Variants in USH2A observed in about 807,000 individuals in gnomAD.
The protein encoded by USH2A is usherin, also known as Usher syndrome 2A (autosomal recessive, mild).
A neutral mutation model predicts 538.9 loss-of-function variants in USH2A; 443 were observed. That is an observed-to-expected ratio of 0.82 (90% CI 0.76 to 0.89). The LOEUF is 0.89. Ranked by LOEUF, USH2A falls within the 40% of genes least tolerant of loss-of-function variation. The pLI is 0.00. For synonymous variants in USH2A, 2,413 were observed against 2,273.5 expected (o/e 1.06, Z -1.75); for missense variants, 6,633 against 6,324.8 (o/e 1.05, Z -1.65).
At chr1:216,051,942 G>A (rs2030799483) in intron 30 of USH2A, among the ~76,000 whole-genome samples, 1 of 152,194 alleles carries the variant, frequency 6.6e-6, no homozygotes, top group Non-Finnish European at 1.5e-5. Context: ...CAAGTTATAA[G>A]GAAGGGTATT....
chr1:216,060,216 A>G (rs1043763410), intron 30 of USH2A, among the ~76,000 whole-genome samples: 3 of 152,236 alleles, frequency 2.0e-5, no homozygotes, highest in African/African-American at 7.2e-5. Context: ...GTAAAATGCA[A>G]ATTGCTAAAT....
intron 4 of USH2A, among the ~76,000 whole-genome samples, chr1:216,346,956 T>C (rs2038187191): frequency 6.6e-6 from 1 of 152,062 alleles, no homozygotes; most frequent in Non-Finnish European, 1.5e-5. Flanking sequence ...GTCAGAAAAG[T>C]AAAAAGTGTA....
In USH2A at chr1:216,070,088, G is replaced by A. The variant is rs1026117467; in HGVS notation, c.6049+13C>T. On this transcript the variant is annotated intron_variant, in intron 30 of 71. Transcript: ENST00000307340. ...AGTTAATAGGGTCTACTCTGTTAAA[G>A]GATTGCATTTACCTGTGAGGTTGCT... 1.2e-6 allele frequency: 2 copies of A among 1,613,690 alleles called. No individual in the cohort carries two copies. The highest frequency in any genetic ancestry group is 1.7e-6 in the Non-Finnish European group (2 of 1,179,748).
chr1:216,070,700 C>T (rs376058612), intron 29 of USH2A, among the ~76,000 whole-genome samples: 2 of 150,912 alleles, frequency 1.3e-5, no homozygotes, highest in Non-Finnish European at 1.5e-5. Flanking sequence ...TTTATATCTT[C>T]GATGTATTAG....
At chr1:215,860,904 C>T (rs1664296973) in intron 44 of USH2A, among the ~76,000 whole-genome samples, 1 of 152,174 alleles carries the variant, frequency 6.6e-6, no homozygotes, top group South Asian at 2.1e-4. Flanking sequence ...AAGTCTTGAT[C>T]TTGCTCGCAG....
chr1:215,819,162 G>T (rs965622522), intron 47 of USH2A, among the ~76,000 whole-genome samples: 1 of 151,738 alleles, frequency 6.6e-6, no homozygotes, highest in African/African-American at 2.4e-5. Context: ...TAAGAACCTT[G>T]TCCTTCTATT....
intron 40 of USH2A, among the ~76,000 whole-genome samples, chr1:215,898,318 T>A (rs923054804): frequency 6.6e-6 from 1 of 152,122 alleles, no homozygotes; most frequent in African/African-American, 2.4e-5. Context: ...CAATGGAGGG[T>A]CTCTGGGTAT....
At chr1:216,125,264 C>T (rs1571981197) in intron 21 of USH2A, among the ~76,000 whole-genome samples, 1 of 150,582 alleles carries the variant, frequency 6.6e-6, no homozygotes, top group Admixed American at 6.6e-5. Context: ...CTCATAGAAT[C>T]TGTTATCCAG....
At chr1:215,671,718 G>C (rs1657824262) in intron 63 of USH2A, among the ~76,000 whole-genome samples, 1 of 152,116 alleles carries the variant, frequency 6.6e-6, no homozygotes, top group African/African-American at 2.4e-5. Flanking sequence ...ACTTAACATA[G>C]CAATGAAGAA....
At chr1:215,698,003 G>A (rs145146293) in intron 61 of USH2A, among the ~76,000 whole-genome samples, 1 of 152,038 alleles carries the variant, frequency 6.6e-6, no homozygotes, top group African/African-American at 2.4e-5. Context: ...ACAGGCCCCA[G>A]TGTGTGATGT....
intron 61 of USH2A, among the ~76,000 whole-genome samples, chr1:215,686,418 A>G (rs572403959): frequency 6.6e-6 from 1 of 152,162 alleles, no homozygotes; most frequent in Admixed American, 6.6e-5. Context: ...GGATTAGAAG[A>G]AGGAACAGTA....
At chr1:216,167,783 G>A (rs959565068) in intron 21 of USH2A, among the ~76,000 whole-genome samples, 2 of 151,810 alleles carry the variant, frequency 1.3e-5, no homozygotes, top group Non-Finnish European at 2.9e-5. Context: ...ATTTGTCTTG[G>A]TCTCTTAATA....
At chr1:216,310,871 T>C (rs2037408478) in intron 9 of USH2A, among the ~76,000 whole-genome samples, 1 of 152,200 alleles carries the variant, frequency 6.6e-6, no homozygotes, top group South Asian at 2.1e-4. Context: ...GGAGACATCA[T>C]AGTTTCCTAC....
intron 21 of USH2A, among the ~76,000 whole-genome samples, chr1:216,114,994 C>A (rs1330551940): frequency 6.6e-6 from 1 of 151,946 alleles, no homozygotes; most frequent in Non-Finnish European, 1.5e-5. Context: ...CTATTTATAT[C>A]TGTATCCGTA....
chr1:216,300,748 T>G (rs946455784), intron 9 of USH2A, among the ~76,000 whole-genome samples: 3 of 150,846 alleles, frequency 2.0e-5, no homozygotes, highest in Admixed American at 1.3e-4. Flanking sequence ...AATGTTTTTT[T>G]TTTTTTTTTT....
chr1:215,717,523 C>G (rs1469953048), intron 61 of USH2A, among the ~76,000 whole-genome samples: 2 of 152,086 alleles, frequency 1.3e-5, no homozygotes, highest in Non-Finnish European at 2.9e-5. Flanking sequence ...AAAATGATTG[C>G]TTATTACATT....
At chr1:216,064,587 T>G (rs1030117689) in intron 30 of USH2A, among the ~76,000 whole-genome samples, 1 of 152,138 alleles carries the variant, frequency 6.6e-6, no homozygotes, top group Non-Finnish European at 1.5e-5. Context: ...CATGTGGTCA[T>G]GTGCTACATA....
chr1:215,850,807 T>C (rs1365131408), intron 44 of USH2A, among the ~76,000 whole-genome samples: 1 of 152,116 alleles, frequency 6.6e-6, no homozygotes. Flanking sequence ...AAAATGAGTC[T>C]CAACAAATTT....
At position 215,695,824 on chromosome 1, in the gene USH2A, C is replaced by T. The variant is rs180818221; in HGVS notation, c.12067-15448G>A. ...TGGAGTACAGTGGAACGATCTTGGC[C>T]ACTGCAACCTCTGCCTCCTGGGTTC... On this transcript the variant is annotated intron_variant, in intron 61 of 71. Coordinates refer to ENST00000307340, the MANE Select transcript of USH2A (RefSeq NM_206933.4). Among the ~76,000 whole-genome samples, 19 of 152,216 alleles carry T rather than the reference C, an allele frequency of 1.2e-4. No homozygotes were observed. The East Asian group carries it at 3.7e-3, about 29-fold the overall frequency.
Sources: allele counts gnomAD v4.1 joint callset (sites outside exome capture counted in the v4.1 genomes callset), GRCh38; gene constraint gnomAD v4.1.1; transcripts MANE v1.5; gene names NCBI Gene and HGNC (gene_info 2026-07-23, HGNC 2026-07-21).